The following KCTD16 variants were observed in gnomAD, a reference collection of about 807,000 sequenced individuals.
The protein encoded by KCTD16 is BTB/POZ domain-containing protein KCTD16.
A neutral mutation model predicts 33.2 loss-of-function variants in KCTD16; 13 were observed. The ratio of observed to expected loss-of-function variants is 0.39; its 90% CI spans 0.25 to 0.62. The LOEUF (loss-of-function observed/expected upper bound fraction) is 0.62. KCTD16 is among the 20% of genes least tolerant of loss of function. The pLI is 0.50. For missense variants in KCTD16, 441 were observed against 525.1 expected (o/e 0.84, Z 1.57); for synonymous variants, 197 against 195.3 (o/e 1.01, Z -0.07).
chr5:144,302,927 A>G (rs1318452664), intron 3 of KCTD16, among the ~76,000 whole-genome samples: 1 of 152,226 alleles, frequency 6.6e-6, no homozygotes, highest in Non-Finnish European at 1.5e-5. Flanking sequence ...GCAGTGGAAA[A>G]GAAATGCAGC....
At position 144,200,282 on chromosome 5, in the gene KCTD16, C is replaced by G. The variant is rs1435741237; in HGVS notation, c.-326-6107C>G. ...TTTTGCTTTCATTTGTATTTTATGA[C>G]AGTGGAAATCAGGAGTATTTTCAGG... On this transcript the variant is annotated intron_variant, in intron 2 of 3. Coordinates refer to ENST00000512467, the MANE Select transcript of KCTD16 (RefSeq NM_020768.4). Among the ~76,000 whole-genome samples the G allele has an allele frequency of 8.5e-5, 13 of 152,130 alleles. No homozygotes were observed. In the East Asian group the frequency reaches 2.5e-3, roughly 29 times the overall value.
chr5:144,396,745 A>T (rs1395517266), intron 3 of KCTD16, among the ~76,000 whole-genome samples: 1 of 152,044 alleles, frequency 6.6e-6, no homozygotes, highest in Non-Finnish European at 1.5e-5. Flanking sequence ...CTGTTTCCTA[A>T]AACAGGCTCA....
At chr5:144,422,054 A>G in intron 3 of KCTD16, among the ~76,000 whole-genome samples, 1 of 152,182 alleles carries the variant, frequency 6.6e-6, no homozygotes. Flanking sequence ...TCCCTCATCT[A>G]CTTATCACAT....
At chr5:144,199,638 T>G (rs907671113) in intron 2 of KCTD16, among the ~76,000 whole-genome samples, 13 of 152,052 alleles carry the variant, frequency 8.5e-5, no homozygotes, top group African/African-American at 2.9e-4. Flanking sequence ...TATGTGGGAG[T>G]TGGCTTTACT....
At chr5:144,183,070 A>C (rs1187869684) in intron 2 of KCTD16, among the ~76,000 whole-genome samples, 6 of 151,990 alleles carry the variant, frequency 3.9e-5, no homozygotes, top group Non-Finnish European at 1.5e-5. Flanking sequence ...AAAGAGTGGG[A>C]GTAAGACCAA....
At chr5:144,412,576 T>G (rs1044648993) in intron 3 of KCTD16, among the ~76,000 whole-genome samples, 3 of 152,056 alleles carry the variant, frequency 2.0e-5, no homozygotes, top group Non-Finnish European at 4.4e-5. Context: ...ATATACAGTT[T>G]AATAGAAGAA....
chr5:144,361,335 T>A (rs566196485), intron 3 of KCTD16, among the ~76,000 whole-genome samples: 1 of 152,180 alleles, frequency 6.6e-6, no homozygotes, highest in Non-Finnish European at 1.5e-5. Context: ...TTGTTGGGGA[T>A]GTTATAAGAT....
intron 2 of KCTD16, among the ~76,000 whole-genome samples, chr5:144,186,853 A>T (rs1013815656): frequency 6.6e-6 from 1 of 152,206 alleles, no homozygotes; most frequent in Admixed American, 6.5e-5. Flanking sequence ...TGGAATAGGG[A>T]TGTATTGATC....
intron 3 of KCTD16, among the ~76,000 whole-genome samples, chr5:144,376,794 A>G (rs549180371): frequency 2.6e-5 from 4 of 152,264 alleles, no homozygotes; most frequent in African/African-American, 9.6e-5. Flanking sequence ...TGTTTTAAGG[A>G]TGGTAGGATA....
chr5:144,417,346 T>G (rs1039951134), intron 3 of KCTD16, among the ~76,000 whole-genome samples: 1 of 152,166 alleles, frequency 6.6e-6, no homozygotes, highest in Admixed American at 6.6e-5. Flanking sequence ...ATTGTGATTT[T>G]CATTTGCATT....
intron 3 of KCTD16, among the ~76,000 whole-genome samples, chr5:144,252,336 T>C (rs1754723494): frequency 6.6e-6 from 1 of 152,208 alleles, no homozygotes; most frequent in African/African-American, 2.4e-5. Context: ...TGTCTGGGGC[T>C]ATCTAAAACC....
At chr5:144,313,936 A>G (rs1333664234) in intron 3 of KCTD16, among the ~76,000 whole-genome samples, 1 of 152,168 alleles carries the variant, frequency 6.6e-6, no homozygotes, top group African/African-American at 2.4e-5. Context: ...ATTATCATTG[A>G]TGAATATACC....
chr5:144,187,318 C>T (rs1224047354), intron 2 of KCTD16, among the ~76,000 whole-genome samples: 1 of 151,912 alleles, frequency 6.6e-6, no homozygotes, highest in Non-Finnish European at 1.5e-5. Flanking sequence ...ATATTTTAGT[C>T]TTCATTTTCT....
Position 144,480,784 on chromosome 5 carries a change from C to G in KCTD16, c.*6670C>G, listed in dbSNP as rs1247475280. 1 of 151,892 alleles carries G rather than the reference C, an allele frequency of 6.6e-6. No individual in the cohort carries two copies. Among genetic ancestry groups the G allele is most frequent in the Non-Finnish European group, 1.5e-5 (1 of 67,920 alleles). The allele number at this position is 151,892 out of a possible 1,614,324, so 9.4% of individuals were successfully genotyped here. ...AAAGCCCTCCATAACAAAAAGTTAT[C>G]CAGCCCACAATGTCAATAGTGCTTA... On this transcript the variant is annotated 3_prime_UTR_variant, in exon 4 of 4. Transcript: ENST00000512467.
intron 3 of KCTD16, among the ~76,000 whole-genome samples, chr5:144,413,213 A>T (rs1752972800): frequency 6.6e-6 from 1 of 152,220 alleles, no homozygotes. Context: ...ATCCAATATG[A>T]CTGGTGCCCC....
chr5:144,380,597 G>T (rs1034092744), intron 3 of KCTD16, among the ~76,000 whole-genome samples: 1 of 151,964 alleles, frequency 6.6e-6, no homozygotes, highest in Non-Finnish European at 1.5e-5. Context: ...ACTACATTAT[G>T]AGGCTCCAGT....
chr5:144,484,391 G>A lies in KCTD16; in HGVS notation c.*10277G>A, dbSNP rs1347705902. The A allele has an allele frequency of 6.6e-6, 1 of 151,930 alleles. No homozygotes were observed. The highest frequency in any genetic ancestry group is 2.4e-5 in the African/African-American group (1 of 41,412). The allele number at this position is 151,930 out of a possible 1,614,324, so 9.4% of individuals were successfully genotyped here. A position where few individuals can be genotyped will look rare whatever the true frequency, so the allele number is the denominator to read the frequency against. ...TTAGTCTGTAAAATCAGGAATCTTT[G>A]TGTTGGCTGAAGGAACTTAGTAATC... On this transcript the variant is annotated 3_prime_UTR_variant, in exon 4 of 4. Transcript: ENST00000512467.
intron 3 of KCTD16, among the ~76,000 whole-genome samples, chr5:144,453,639 T>C (rs1753996604): frequency 6.6e-6 from 1 of 152,158 alleles, no homozygotes. Context: ...AAATAAAATG[T>C]CATTATAGTT....
chr5:144,456,230 C>G (rs911895641), intron 3 of KCTD16, among the ~76,000 whole-genome samples: 1 of 151,716 alleles, frequency 6.6e-6, no homozygotes, highest in African/African-American at 2.4e-5. Context: ...TATAATTTTG[C>G]TGGAATTTTG....
Sources: gnomAD v4.1 joint callset for allele counts (sites outside exome capture counted in the v4.1 genomes callset) on GRCh38, gnomAD v4.1.1 for gene constraint, MANE v1.5 for transcripts, NCBI Gene and HGNC (gene_info 2026-07-23, HGNC 2026-07-21) for gene names.